The following RBP4 variants were observed in gnomAD, a reference collection of about 807,000 sequenced individuals.
The protein encoded by RBP4 is retinol-binding protein 4.
In RBP4, 9 loss-of-function variants were observed where a neutral mutation model predicts 26.2. The ratio of observed to expected loss-of-function variants is 0.34; its 90% CI spans 0.21 to 0.60. The LOEUF (loss-of-function observed/expected upper bound fraction) is 0.60. RBP4 is among the 20% of genes least tolerant of loss of function. The pLI, the probability that RBP4 is intolerant of heterozygous loss-of-function variation, is 0.80. For missense variants in RBP4, 244 were observed against 271.3 expected (o/e 0.90, Z 0.71); for synonymous variants, 114 against 111.0 (o/e 1.03, Z -0.17).
intron 4 of RBP4, among the ~76,000 whole-genome samples, chr10:93,595,692 G>A (rs566948912): frequency 5.9e-5 from 9 of 152,362 alleles, no homozygotes; most frequent in Admixed American, 5.9e-4. Flanking sequence ...CACCTGGAAT[G>A]CTGGTCCTAA....
At chr10:93,593,672 C>G (rs1035915693) in intron 5 of RBP4, 151 bp downstream of exon 5, 64 of 847,566 alleles carry the variant, frequency 7.6e-5, no homozygotes, top group Non-Finnish European at 1.1e-4. Flanking sequence ...TCTGGCCAAG[C>G]AGGATCTGGA....
chr10:93,601,288 G>A (rs983259135), upstream of RBP4: 5 of 1,216,004 alleles, frequency 4.1e-6, no homozygotes, highest in South Asian at 1.1e-4. Flanking sequence ...AGGGGGTCGC[G>A]CTTTCGTAAC....
intron 1 of RBP4, 36 bp from the exon 2 acceptor site, chr10:93,601,082 C>T (rs2058335360): frequency 1.9e-6 from 3 of 1,586,930 alleles, no homozygotes; most frequent in East Asian, 4.5e-5. Flanking sequence ...GCCCGGCAGC[C>T]GACCCCCGCC....
intron 3 of RBP4, 69 bp downstream of exon 3, chr10:93,600,598 C>G: frequency 6.2e-7 from 1 of 1,612,468 alleles, no homozygotes; most frequent in South Asian, 1.1e-5. Flanking sequence ...GCCCACGTGG[C>G]GATCAGCAGG....
chr10:93,595,245 T>G (rs2058295831), intron 4 of RBP4, among the ~76,000 whole-genome samples: 1 of 152,144 alleles, frequency 6.6e-6, no homozygotes, highest in Non-Finnish European at 1.5e-5. Flanking sequence ...CTACTTAATT[T>G]AACCTTCTTG....
chr10:93,599,404 G>C (rs10882278), intron 4 of RBP4, among the ~76,000 whole-genome samples: 1 of 152,226 alleles, frequency 6.6e-6, no homozygotes, highest in South Asian at 2.1e-4. Flanking sequence ...CTGGATCACC[G>C]AGCAGAGAGA....
intron 4 of RBP4, 120 bp downstream of exon 4, chr10:93,600,273 C>T (rs915950764): frequency 2.2e-6 from 2 of 913,638 alleles, no homozygotes; most frequent in African/African-American, 1.6e-5. Flanking sequence ...GTTCCTGACA[C>T]TTCCAGACCT....
chr10:93,594,285 C>T (rs764866010), intron 4 of RBP4, among the ~76,000 whole-genome samples: 1 of 152,144 alleles, frequency 6.6e-6, no homozygotes, highest in Admixed American at 6.5e-5. Context: ...CATCATCTGT[C>T]CCTGTGATTA....
At chr10:93,596,472 C>T (rs944455926) in intron 4 of RBP4, among the ~76,000 whole-genome samples, 1 of 152,182 alleles carries the variant, frequency 6.6e-6, no homozygotes, top group Non-Finnish European at 1.5e-5. Context: ...GAGGTTGGTT[C>T]TCTAACCTCC....
chr10:93,596,503 G>C (rs1328676326), intron 4 of RBP4, among the ~76,000 whole-genome samples: 1 of 152,160 alleles, frequency 6.6e-6, no homozygotes, highest in Non-Finnish European at 1.5e-5. Flanking sequence ...CAGCTGGGCA[G>C]GGCTCCTCTG....
chr10:93,593,177 T>C (rs76387880), intron 5 of RBP4, among the ~76,000 whole-genome samples: 2 of 152,276 alleles, frequency 1.3e-5, no homozygotes, highest in African/African-American at 4.8e-5. Context: ...CAGTATCCCA[T>C]AGCAATGAGT....
chr10:93,597,456 TGAAATA>T (rs1472148809), intron 4 of RBP4, among the ~76,000 whole-genome samples: 3 of 152,248 alleles, frequency 2.0e-5, no homozygotes, highest in Admixed American at 2.0e-4. Context: ...AATGATTCTA[TGAAATA>T]GAAACTATTC....
intron 4 of RBP4, among the ~76,000 whole-genome samples, chr10:93,595,734 C>G (rs917574175): frequency 5.3e-5 from 8 of 152,206 alleles, no homozygotes; most frequent in African/African-American, 1.9e-4. Flanking sequence ...CTGAGAACCC[C>G]TGGAGTGCCA....
chr10:93,596,354 T>C (rs1311129903), intron 4 of RBP4, among the ~76,000 whole-genome samples: 3 of 152,162 alleles, frequency 2.0e-5, no homozygotes, highest in African/African-American at 7.2e-5. Context: ...TCCAGGCTCT[T>C]TTGGCTGAAT....
At chr10:93,597,007 A>G (rs1361242618) in intron 4 of RBP4, among the ~76,000 whole-genome samples, 2 of 152,192 alleles carry the variant, frequency 1.3e-5, no homozygotes, top group African/African-American at 4.8e-5. Flanking sequence ...TACCTGAGTA[A>G]GCCAAGCTCT....
upstream of RBP4, chr10:93,601,577 G>A: frequency 5.8e-6 from 4 of 690,180 alleles, no homozygotes; most frequent in East Asian, 2.7e-5. Flanking sequence ...TCAACCTGGC[G>A]GGAAGACCGT....
upstream of RBP4, chr10:93,601,458 G>T: frequency 1.0e-6 from 1 of 1,004,288 alleles, no homozygotes; most frequent in Non-Finnish European, 1.4e-6. Flanking sequence ...CCTCGGCCAG[G>T]CCAAATGCGC....
At position 93,600,383 on chromosome 10, in the gene RBP4, G is replaced by A. The variant is rs1407753709; in HGVS notation, c.355+10C>T. The A allele has an allele frequency of 6.2e-7, 1 of 1,611,106 alleles. No homozygotes were observed. The highest frequency in any genetic ancestry group is 1.1e-5 in the South Asian group (1 of 91,010). ...ATTCCCAAGACAGTCCCACAGAGCTGACTACTCACTTCCTTTCTGGAGAAA... is the reference window on the plus strand; with the variant it reads ...ATTCCCAAGACAGTCCCACAGAGCTAACTACTCACTTCCTTTCTGGAGAAA... On this transcript the variant is annotated intron_variant, in intron 4 of 5. Transcript: ENST00000371464.
At chr10:93,592,578 G>A (rs1230774270) in intron 5 of RBP4, among the ~76,000 whole-genome samples, 1 of 152,162 alleles carries the variant, frequency 6.6e-6, no homozygotes, top group East Asian at 1.9e-4. Flanking sequence ...ATCCAACTCA[G>A]CTACCTATTA....
Sources: gnomAD v4.1 joint callset for allele counts (sites outside exome capture counted in the v4.1 genomes callset) on GRCh38, gnomAD v4.1.1 for gene constraint, MANE v1.5 for transcripts, NCBI Gene and HGNC (gene_info 2026-07-23, HGNC 2026-07-21) for gene names.